Variants in ATG4C observed in about 807,000 individuals in gnomAD.
ATG4C encodes the protein cysteine protease ATG4C.
In ATG4C, 56 loss-of-function variants were observed where a neutral mutation model predicts 57.6. The ratio of observed to expected loss-of-function variants is 0.97; its 90% CI spans 0.78 to 1.21. The LOEUF is 1.21. Among genes scored for constraint, ATG4C ranks in the 50% most tolerant of loss-of-function variants. The pLI is 0.00. For synonymous variants in ATG4C, 157 were observed against 174.1 expected, an observed-to-expected ratio of 0.90 and a Z score of 0.78; for missense variants, 595 against 529.8, an observed-to-expected ratio of 1.12 and a Z score of -1.21.
intron 10 of ATG4C, among the ~76,000 whole-genome samples, chr1:62,849,208 C>T (rs1245233848): frequency 1.3e-5 from 2 of 152,118 alleles, no homozygotes; most frequent in Non-Finnish European, 2.9e-5. Flanking sequence ...ACCAGAATGA[C>T]TTCTTCCACC....
chr1:62,835,404 AT>A, intron 9 of ATG4C: 1 of 356,724 alleles, frequency 2.8e-6, no homozygotes, highest in Non-Finnish European at 5.7e-6. Flanking sequence ...GTGATCCAGT[AT>A]TTTAATTCAG....
chr1:62,812,814 C>G (rs1047771912), intron 3 of ATG4C, among the ~76,000 whole-genome samples: 1 of 152,080 alleles, frequency 6.6e-6, no homozygotes, highest in South Asian at 2.1e-4. Flanking sequence ...GCAAGCATTC[C>G]TATATACCAG....
intron 3 of ATG4C, among the ~76,000 whole-genome samples, chr1:62,808,598 A>G (rs1664957121): frequency 6.6e-6 from 1 of 152,212 alleles, no homozygotes. Context: ...TATAGCACAA[A>G]ATTCATAATA....
At position 62,829,305 on chromosome 1, in the gene ATG4C, T is replaced by G. The variant is rs57279976; in HGVS notation, c.933+129T>G. 1.2e-3 allele frequency: 1,295 copies of G among 1,075,632 alleles called. 13 individuals carry two copies. The African/African-American group carries it at 0.019, about 16-fold the overall frequency. 66.6% of individuals were successfully genotyped at this position (1,075,632 alleles called of 1,614,324 possible). ...GTTGTACGTTGTACGTTGTAAAGTT[T>G]GACATTAGAGATTTTAAATTTTGGT... On this transcript the variant is annotated intron_variant, in intron 7 of 10. Transcript: ENST00000317868.
In ATG4C at chr1:62,819,314, C is replaced by T. The variant is rs763638385; in HGVS notation, c.704C>T (p.Ala235Val). 7 of 1,589,270 alleles carry T rather than the reference C, an allele frequency of 4.4e-6. No individual in the cohort carries two copies. In the South Asian group the frequency reaches 5.8e-5, roughly 13 times the overall value. ...GKKAGDWYGP[A>V]VVAHILRKAV... The stretch of plus-strand genomic sequence containing the variant: ...AAAGCAGGAGATTGGTATGGACCAG[C>T]TGTGGTTGCTCACATTTTAAGGTAA... Residue 235 changes from alanine to valine, a missense_variant, in exon 5 of 11, where the codon GCT (alanine) becomes GTT (valine). Ala to Val is a moderately conservative substitution (Grantham distance 64, BLOSUM62 0). Coordinates refer to ENST00000317868, the MANE Select transcript of ATG4C (RefSeq NM_032852.4).
intron 10 of ATG4C, among the ~76,000 whole-genome samples, chr1:62,846,103 G>T (rs561945036): frequency 1.3e-5 from 2 of 152,204 alleles, no homozygotes; most frequent in Non-Finnish European, 2.9e-5. Flanking sequence ...CAGCAAATAT[G>T]TGAGTGTTTT....
At chr1:62,846,215 A>C (rs1367615471) in intron 10 of ATG4C, among the ~76,000 whole-genome samples, 1 of 152,182 alleles carries the variant, frequency 6.6e-6, no homozygotes, top group African/African-American at 2.4e-5. Context: ...TTGTCATAAG[A>C]GAAGCATTTG....
chr1:62,841,649 C>T (rs1389692089), intron 10 of ATG4C, 102 bp downstream of exon 10: 7 of 996,558 alleles, frequency 7.0e-6, no homozygotes, highest in Non-Finnish European at 9.8e-6. Context: ...TATAAAATTT[C>T]CTCTTGAATG....
intron 3 of ATG4C, among the ~76,000 whole-genome samples, chr1:62,812,836 CAG>C (rs1356672222): frequency 2.6e-5 from 4 of 152,222 alleles, no homozygotes; most frequent in African/African-American, 9.6e-5. Context: ...GATAGACAAA[CAG>C]AGAGCCAAAT....
intron 10 of ATG4C, among the ~76,000 whole-genome samples, chr1:62,854,089 CT>C (rs1433432301): frequency 1.3e-5 from 2 of 151,338 alleles, no homozygotes; most frequent in Non-Finnish European, 2.9e-5. Context: ...TTTTCTATTC[CT>C]TTTTCATAGA....
intron 10 of ATG4C, among the ~76,000 whole-genome samples, chr1:62,842,464 GC>G (rs1239112530): frequency 4.6e-5 from 7 of 151,896 alleles, no homozygotes; most frequent in Non-Finnish European, 7.4e-5. Context: ...ACCATGCCTG[GC>G]TAATTTTGTA....
chr1:62,784,182 G>C lies in ATG4C; in HGVS notation c.-160G>C, dbSNP rs1315853432. 6.5e-6 allele frequency: 1 copy of C among 153,292 alleles called. No individual in the cohort carries two copies. Among genetic ancestry groups the C allele is most frequent in the Non-Finnish European group, 1.5e-5 (1 of 68,512 alleles). The allele number at this position is 153,292 out of a possible 1,614,324, so 9.5% of individuals were successfully genotyped here. A position where few individuals can be genotyped will look rare whatever the true frequency, so the allele number is the denominator to read the frequency against. On this transcript the variant is annotated 5_prime_UTR_variant, in exon 1 of 11. Coordinates refer to ENST00000317868, the MANE Select transcript of ATG4C (RefSeq NM_032852.4). The stretch of plus-strand genomic sequence containing the variant: ...GGTCGGAACGTCTGCGTGTGTGCGG[G>C]CTGGTTTTGTGGCGGCTGCTGCTAG...
intron 2 of ATG4C, 70 bp from the exon 3 acceptor site, chr1:62,805,102 G>T (rs974613914): frequency 1.4e-5 from 20 of 1,441,590 alleles, no homozygotes; most frequent in Non-Finnish European, 1.8e-5. Flanking sequence ...AAAAGAAAAC[G>T]CTGCTAGACT....
rs188162198 is a variant in ATG4C at position 62,834,826 on chromosome 1, G to T, written c.1063G>T (p.Val355Phe). Residue 355 changes from valine (V) to phenylalanine (F), a missense_variant, in exon 9 of 11, where the codon GTC becomes TTC. Physicochemically the swap from Val to Phe is conservative, Grantham distance 50. Coordinates refer to ENST00000317868, the MANE Select transcript of ATG4C (RefSeq NM_032852.4). ...DPHYCQSFVDVSIKDFPLETF... is the reference protein window; with the variant it reads ...DPHYCQSFVDFSIKDFPLETF... Reference sequence around the variant, plus strand: ...TCATTACTGCCAATCTTTTGTAGATGTCAGCATAAAGGATTTCCCTCTTGA... The same window carrying T: ...TCATTACTGCCAATCTTTTGTAGATTTCAGCATAAAGGATTTCCCTCTTGA... 1 of 1,612,196 alleles carries T rather than the reference G, an allele frequency of 6.2e-7. No homozygotes were observed.
At chr1:62,831,088 C>G (rs2100333800) in intron 7 of ATG4C, among the ~76,000 whole-genome samples, 1 of 152,220 alleles carries the variant, frequency 6.6e-6, no homozygotes, top group East Asian at 1.9e-4. Flanking sequence ...GTAACATTTT[C>G]TCGAGCTTTT....
Position 62,816,801 on chromosome 1 carries a change from T to C in ATG4C, c.387T>C (p.Leu129=). ...LLAQGLILHF[L]GRAWTWPDAL... is the part of the protein sequence containing the mutation. ...CTCAAGGACTCATACTACACTTTCT[T>C]GGTAGAGGTAAATCAAATTTCTGTT... Residue 129 remains leucine, a synonymous_variant, in exon 4 of 11, where the codon CTT becomes CTC. Coordinates refer to ENST00000317868, the MANE Select transcript of ATG4C (RefSeq NM_032852.4). The C allele has an allele frequency of 6.5e-7, 1 of 1,536,996 alleles. No individual in the cohort carries two copies. The highest frequency in any genetic ancestry group is 8.8e-7 in the Non-Finnish European group (1 of 1,140,852).
chr1:62,821,313 C>A, intron 6 of ATG4C, 104 bp downstream of exon 6: 1 of 635,266 alleles, frequency 1.6e-6, no homozygotes, highest in Non-Finnish European at 2.4e-6. Flanking sequence ...AGGTAGGGAC[C>A]ATGTCTTATA....
intron 9 of ATG4C, among the ~76,000 whole-genome samples, chr1:62,835,748 A>G (rs886366474): frequency 6.6e-6 from 1 of 152,098 alleles, no homozygotes; most frequent in Non-Finnish European, 1.5e-5. Flanking sequence ...CAATTAAAGT[A>G]TAAGCATCTG....
rs1666940860 is a variant in ATG4C, at chr1:62,864,242, T to C, written c.*83T>C. ...GAAACAAGTATATCTGAAATGTTTA[T>C]TTTCACAAATATCTTAATTTTATAT... On this transcript the variant is annotated 3_prime_UTR_variant, in exon 11 of 11. Transcript: ENST00000317868. The C allele has an allele frequency of 2.8e-6, 3 of 1,087,972 alleles. No individual in the cohort carries two copies. The East Asian group carries it at 8.5e-5, about 31-fold the overall frequency. 67.4% of individuals were successfully genotyped at this position (1,087,972 alleles called of 1,614,324 possible).
Sources: gnomAD v4.1 joint callset for allele counts (sites outside exome capture counted in the v4.1 genomes callset) on GRCh38, gnomAD v4.1.1 for gene constraint, MANE v1.5 for transcripts, NCBI Gene and HGNC (gene_info 2026-07-23, HGNC 2026-07-21) for gene names.